LRRTM4: variants seen among roughly 807,000 people sequenced by gnomAD.
LRRTM4 encodes leucine rich repeat transmembrane neuronal 4.
Under a neutral mutation model 47.6 loss-of-function variants are expected in LRRTM4, and 25 were observed. The ratio of observed to expected loss-of-function variants is 0.53; its 90% confidence interval spans 0.38 to 0.73. The LOEUF (loss-of-function observed/expected upper bound fraction) is 0.73, where lower values mean the gene tolerates loss of function less well. Among genes scored for constraint, LRRTM4 ranks in the 30% least tolerant of loss-of-function variants. The pLI is 0.00. For missense variants in LRRTM4, 638 were observed against 713.4 expected, an observed-to-expected ratio of 0.89 and a Z score of 1.20; for synonymous variants, 311 against 269.5, an observed-to-expected ratio of 1.15 and a Z score of -1.51.
chr2:77,376,200 T>C (rs1672834378), intron 3 of LRRTM4, among the ~76,000 whole-genome samples: 1 of 151,796 alleles, frequency 6.6e-6, no homozygotes, highest in Admixed American at 6.6e-5. Flanking sequence ...CATTTAACAG[T>C]ATATCTAACT....
chr2:76,814,286 G>C (rs185422404), intron 3 of LRRTM4, among the ~76,000 whole-genome samples: 1 of 152,048 alleles, frequency 6.6e-6, no homozygotes, highest in East Asian at 1.9e-4. Context: ...ATGTGTTTGC[G>C]TTTTAAGCCA....
rs760929307 is a variant in LRRTM4, at chr2:77,518,632, C to T, written c.1237G>A (p.Ala413Thr). The T allele has an allele frequency of 1.2e-6, 2 of 1,613,350 alleles. No homozygotes were observed. The highest frequency in any genetic ancestry group is 1.7e-4 in the Middle Eastern group (1 of 6,060). ...SPSPGFQIPG[A>T]EQEYEHVSFH... is the part of the protein sequence containing the mutation. ...GAAACATGCTCATACTCTTGCTCTGCGCCAGGAATCTGAAACCCTGGGGAA... is the reference window on the plus strand; with the variant it reads ...GAAACATGCTCATACTCTTGCTCTGTGCCAGGAATCTGAAACCCTGGGGAA... The change falls in exon 3 of 4, where the codon GCA (alanine) becomes ACA (threonine). Residue 413 changes from alanine (A) to threonine (T), a missense_variant. By Grantham distance (58) the Ala-to-Thr change is moderately conservative (BLOSUM62 0). Transcript: ENST00000409884.
At chr2:76,815,962 TTTTG>T (rs1670885358) in intron 3 of LRRTM4, among the ~76,000 whole-genome samples, 1 of 152,076 alleles carries the variant, frequency 6.6e-6, no homozygotes, top group African/African-American at 2.4e-5. Context: ...CTAAATTTTA[TTTTG>T]TTTCTCAGTT....
At chr2:76,851,229 A>G (rs139298986) in intron 3 of LRRTM4, among the ~76,000 whole-genome samples, 1,771 of 152,296 alleles carry the variant, frequency 0.012, 42 homozygotes, top group African/African-American at 0.04. Context: ...GGCTCACAGC[A>G]TCTTTTGTCA....
chr2:77,160,492 G>T (rs1051297489), intron 3 of LRRTM4, among the ~76,000 whole-genome samples: 9 of 129,144 alleles, frequency 7.0e-5, no homozygotes, highest in Non-Finnish European at 6.9e-5. Flanking sequence ...AAAGGACATT[G>T]TTTAATATTT....
chr2:77,490,748 A>T (rs1439368229), intron 3 of LRRTM4, among the ~76,000 whole-genome samples: 1 of 152,196 alleles, frequency 6.6e-6, no homozygotes, highest in East Asian at 1.9e-4. Context: ...CTGCTGATCT[A>T]AGAAGTAATT....
rs535498998 is a variant in LRRTM4 at position 77,405,685 on chromosome 2, G to A, written c.1551+112633C>T. ...CTCCTGAAACAAAAAAAGTGTTGAC[G>A]ACAGCTATAATTGATAAGTGATCTT... On this transcript the variant is annotated intron_variant, in intron 3 of 3. Coordinates refer to ENST00000409884, the MANE Select transcript of LRRTM4 (RefSeq NM_001134745.3). 7.2e-5 allele frequency among the ~76,000 whole-genome samples: 11 copies of A among 152,170 alleles called. No homozygotes were observed. The East Asian group carries it at 7.8e-4, about 11-fold the overall frequency.
chr2:77,402,122 G>A (rs1673984044), intron 3 of LRRTM4, among the ~76,000 whole-genome samples: 1 of 151,816 alleles, frequency 6.6e-6, no homozygotes, highest in African/African-American at 2.4e-5. Context: ...TGTTGATCAG[G>A]AATTGACTCT....
intron 3 of LRRTM4, among the ~76,000 whole-genome samples, chr2:77,018,987 A>G (rs1678171325): frequency 6.6e-6 from 1 of 152,058 alleles, no homozygotes; most frequent in Non-Finnish European, 1.5e-5. Context: ...TTCAGTTTCT[A>G]AAGAAAAAAA....
intron 3 of LRRTM4, among the ~76,000 whole-genome samples, chr2:76,898,636 A>G (rs1673506948): frequency 6.6e-6 from 1 of 150,722 alleles, no homozygotes; most frequent in South Asian, 2.1e-4. Flanking sequence ...TCCTCTATTC[A>G]AATATGCATT....
At chr2:76,863,714 C>T (rs1672386092) in intron 3 of LRRTM4, among the ~76,000 whole-genome samples, 1 of 152,090 alleles carries the variant, frequency 6.6e-6, no homozygotes, top group South Asian at 2.1e-4. Flanking sequence ...ACACAAAAAA[C>T]ACACACCTCC....
chr2:77,419,503 T>G (rs1001452100), intron 3 of LRRTM4, among the ~76,000 whole-genome samples: 3 of 152,164 alleles, frequency 2.0e-5, no homozygotes, highest in African/African-American at 4.8e-5. Context: ...GCAATGTAAG[T>G]GCTATGTAAA....
At chr2:77,422,383 T>C (rs1379229247) in intron 3 of LRRTM4, among the ~76,000 whole-genome samples, 1 of 152,194 alleles carries the variant, frequency 6.6e-6, no homozygotes, top group South Asian at 2.1e-4. Flanking sequence ...ATAAACTGCA[T>C]CCATGTCTGA....
intron 3 of LRRTM4, among the ~76,000 whole-genome samples, chr2:76,883,798 A>T (rs145469495): frequency 1.4e-3 from 216 of 152,276 alleles, no homozygotes; most frequent in African/African-American, 4.9e-3. Context: ...ACAAGTGCTA[A>T]ATGATTGTGA....
chr2:77,354,829 G>A (rs1671911906), intron 3 of LRRTM4, among the ~76,000 whole-genome samples: 1 of 152,146 alleles, frequency 6.6e-6, no homozygotes, highest in African/African-American at 2.4e-5. Flanking sequence ...CAGGCAAATG[G>A]CAGTGCTCAG....
intron 3 of LRRTM4, among the ~76,000 whole-genome samples, chr2:77,415,069 C>T (rs886945207): frequency 6.6e-6 from 1 of 152,136 alleles, no homozygotes; most frequent in African/African-American, 2.4e-5. Flanking sequence ...GATTATAATT[C>T]TAAATTGTAC....
intron 3 of LRRTM4, among the ~76,000 whole-genome samples, chr2:76,985,396 T>C (rs1676758044): frequency 6.6e-6 from 1 of 152,000 alleles, no homozygotes. Flanking sequence ...CCCAGTGGGA[T>C]AGCATTTCTT....
At chr2:76,897,230 C>T (rs1673452793) in intron 3 of LRRTM4, among the ~76,000 whole-genome samples, 1 of 152,120 alleles carries the variant, frequency 6.6e-6, no homozygotes, top group South Asian at 2.1e-4. Flanking sequence ...AATCACCTTC[C>T]ATGCTGCATT....
chr2:76,956,846 T>C (rs1014186403), intron 3 of LRRTM4, among the ~76,000 whole-genome samples: 10 of 150,944 alleles, frequency 6.6e-5, no homozygotes, highest in Admixed American at 2.0e-4. Context: ...CTAAAAGAAA[T>C]GGATAAATTT....
Sources: allele counts gnomAD v4.1 joint callset (sites outside exome capture counted in the v4.1 genomes callset), GRCh38; gene constraint gnomAD v4.1.1; transcripts MANE v1.5; gene names NCBI Gene and HGNC (gene_info 2026-07-23, HGNC 2026-07-21).